Variants in UNC93B1 observed in about 807,000 individuals in gnomAD.
The protein encoded by UNC93B1 is protein unc-93 homolog B1.
In UNC93B1, 33 loss-of-function variants were observed where a neutral mutation model predicts 56.8. The ratio of observed to expected loss-of-function variants is 0.58; its 90% CI spans 0.44 to 0.78. The LOEUF (loss-of-function observed/expected upper bound fraction) is 0.78. UNC93B1 is among the 30% of genes least tolerant of loss of function. The pLI, the probability that UNC93B1 is intolerant of heterozygous loss-of-function variation, is 0.00. For synonymous variants in UNC93B1, 334 were observed against 358.6 expected, an observed-to-expected ratio of 0.93 and a Z score of 0.77; for missense variants, 673 against 819.5, an observed-to-expected ratio of 0.82 and a Z score of 2.18.
At chr11:67,994,603 A>G (rs1214706499) in intron 9 of UNC93B1, among the ~76,000 whole-genome samples, 1 of 152,146 alleles carries the variant, frequency 6.6e-6, no homozygotes, top group Admixed American at 6.5e-5. Context: ...AGCTGGGCAG[A>G]GGGGATGCCA....
At position 67,995,746 on chromosome 11, in the gene UNC93B1, C is replaced by T. The variant is rs1163474179; in HGVS notation, c.1228G>A (p.Gly410Arg). 6.5e-7 allele frequency: 1 copy of T among 1,548,544 alleles called. No homozygotes were observed. Among genetic ancestry groups the T allele is most frequent in the Non-Finnish European group, 8.7e-7 (1 of 1,146,906 alleles). The change falls in exon 9 of 11, where the codon GGG (glycine) becomes AGG (arginine). Residue 410 changes from glycine (G) to arginine (R), a missense_variant. By Grantham distance (125) the Gly-to-Arg change is moderately radical. Around this residue, in one of 3 missense-constraint regions of UNC93B1, gnomAD observed 155 missense variants for 268.3 expected, o/e 0.58. Coordinates refer to ENST00000227471, the MANE Select transcript of UNC93B1 (RefSeq NM_030930.4). ...ATGAAGGTGAGCAGCAGGTGCACCC[C>T]TGCTCCGGCCACCAGGGGCACCGGG... Reference protein sequence around the residue: ...PRPVPLVAGAGVHLLLTFILF... With the variant: ...PRPVPLVAGARVHLLLTFILF...
At chr11:67,995,001 T>G (rs940933749) in intron 9 of UNC93B1, among the ~76,000 whole-genome samples, 3 of 152,200 alleles carry the variant, frequency 2.0e-5, no homozygotes, top group Non-Finnish European at 2.9e-5. Flanking sequence ...AGCCCAGACC[T>G]GGGGCCTGGA....
At chr11:67,999,019 A>G (rs1207721961) in intron 5 of UNC93B1, among the ~76,000 whole-genome samples, 154 bp downstream of exon 5, 2 of 152,226 alleles carry the variant, frequency 1.3e-5, no homozygotes, top group Non-Finnish European at 2.9e-5. Context: ...GGAGCCCAGG[A>G]GTTCAAAGCC....
At chr11:68,002,921 C>A in intron 3 of UNC93B1, 101 bp downstream of exon 3, 1 of 1,433,284 alleles carries the variant, frequency 7.0e-7, no homozygotes, top group African/African-American at 1.5e-5. Flanking sequence ...GTTCCCTCGC[C>A]CCACAAACAC....
intron 8 of UNC93B1, 151 bp from the exon 9 acceptor site, chr11:67,996,035 TG>T (rs1234825829): frequency 1.6e-5 from 8 of 503,062 alleles, no homozygotes; most frequent in African/African-American, 6.4e-5. Flanking sequence ...CCCCGCATCG[TG>T]GGGGGTGCCT....
intron 10 of UNC93B1, among the ~76,000 whole-genome samples, chr11:67,992,652 CT>C (rs551140497): frequency 7.1e-4 from 96 of 134,364 alleles, no homozygotes; most frequent in Admixed American, 5.3e-4. Flanking sequence ...CACTGCTTTT[CT>C]TTTTTTTTTT....
intron 9 of UNC93B1, 118 bp from the exon 10 acceptor site, chr11:67,993,912 A>C (rs1295004940): frequency 1.3e-6 from 1 of 766,098 alleles, no homozygotes; most frequent in Admixed American, 2.0e-5. Context: ...CGGACCAGAG[A>C]GCGCCTAGAA....
rs559198068 is a variant in UNC93B1 at position 67,994,052 on chromosome 11, T to C, written c.1364-258A>G. 5.9e-5 allele frequency among the ~76,000 whole-genome samples: 9 copies of C among 152,234 alleles called. 1 individual carries two copies. The South Asian group carries it at 1.9e-3, about 32-fold the overall frequency. On this transcript the variant is annotated intron_variant, in intron 9 of 10. Coordinates refer to ENST00000227471, the MANE Select transcript of UNC93B1 (RefSeq NM_030930.4). ...GCAGGTGTTCCCGCTCCGCACCACA[T>C]GCGTGGCCTCAAAAGAAGAAAGCTC... is the stretch of plus-strand genomic sequence containing the variant.
chr11:68,001,176 T>C (rs772277521), intron 3 of UNC93B1, among the ~76,000 whole-genome samples: 7 of 151,814 alleles, frequency 4.6e-5, no homozygotes, highest in Admixed American at 2.6e-4. Context: ...AGCCTGGTGA[T>C]AGAGTGAGAC....
Position 67,995,857 on chromosome 11 carries a change from C to G in UNC93B1, c.1117G>C (p.Glu373Gln). 2 of 1,534,562 alleles carry G rather than the reference C, an allele frequency of 1.3e-6. No homozygotes were observed. Among genetic ancestry groups the G allele is most frequent in the Non-Finnish European group, 1.8e-6 (2 of 1,142,566 alleles). Residue 373 changes from glutamate to glutamine, a missense_variant, in exon 9 of 11, where the codon GAG (glutamate) becomes CAG (glutamine). Glu to Gln is a conservative substitution (Grantham distance 29). Around this residue, in one of 3 missense-constraint regions of UNC93B1, gnomAD observed 155 missense variants for 268.3 expected, o/e 0.58. Coordinates refer to ENST00000227471, the MANE Select transcript of UNC93B1 (RefSeq NM_030930.4). ...GCCACGAGGAGGTAAGCCAGCCGCT[C>G]CAGCCCCACCGAGCACACGCCATAG... ...LGYGVCSVGL[E>Q]RLAYLLVAYS...
At chr11:67,995,490 C>T in intron 9 of UNC93B1, 121 bp downstream of exon 9, 1 of 862,682 alleles carries the variant, frequency 1.2e-6, no homozygotes, top group Non-Finnish European at 1.7e-6. Flanking sequence ...CCACAGGACC[C>T]TATGTGACCA....
chr11:67,994,211 A>G (rs1284734336), intron 9 of UNC93B1, among the ~76,000 whole-genome samples: 3 of 152,174 alleles, frequency 2.0e-5, no homozygotes, highest in African/African-American at 4.8e-5. Flanking sequence ...ACCTGAAGCT[A>G]AGCATGGAGA....
chr11:67,997,577 C>T, intron 7 of UNC93B1, 98 bp downstream of exon 7: 3 of 1,568,282 alleles, frequency 1.9e-6, no homozygotes, highest in East Asian at 4.5e-5. Flanking sequence ...ACAACCCGAC[C>T]CAGGCCATGC....
rs1191715858 is a variant in UNC93B1, at chr11:67,991,203, G to A, written c.*343C>T. 10 of 258,276 alleles carry A rather than the reference G, an allele frequency of 3.9e-5. No individual in the cohort carries two copies. The highest frequency in any genetic ancestry group is 6.7e-5 in the African/African-American group (3 of 45,000). 16.0% of individuals were successfully genotyped at this position (258,276 alleles called of 1,614,324 possible). A position where few individuals can be genotyped will look rare whatever the true frequency, so the allele number is the denominator to read the frequency against. ...TGCAAAGTGCGCTCACACGCGGCCC[G>A]GGTCCGCGGCCGAGAGCTGTGGGGA... On this transcript the variant is annotated 3_prime_UTR_variant, in exon 11 of 11. Transcript: ENST00000227471.
chr11:67,997,963 G>A (rs564046143), intron 6 of UNC93B1, among the ~76,000 whole-genome samples, 164 bp from the exon 7 acceptor site: 2 of 152,320 alleles, frequency 1.3e-5, no homozygotes, highest in East Asian at 3.9e-4. Context: ...TTGGACCACT[G>A]GGGCTGGGTT....
In UNC93B1 at chr11:67,996,789, G is replaced by A. The variant is rs144979304; in HGVS notation, c.907-5C>T. ...GGCTCCGCACAAACCCAGCACCTGC[G>A]AACCCATTACTTGAAGGGGCGGCCA... On this transcript the variant is annotated splice_polypyrimidine_tract_variant and splice_region_variant and intron_variant, in intron 7 of 10. Coordinates refer to ENST00000227471, the MANE Select transcript of UNC93B1 (RefSeq NM_030930.4). 5,882 of 1,539,932 alleles carry A rather than the reference G, an allele frequency of 3.8e-3. 23 individuals are homozygous for A. The highest frequency in any genetic ancestry group is 4.0e-3 in the Non-Finnish European group (4,520 of 1,137,730).
chr11:67,999,267 T>C lies in UNC93B1; in HGVS notation c.593A>G (p.Glu198Gly), dbSNP rs1345160959. 6 of 1,613,924 alleles carry C rather than the reference T, an allele frequency of 3.7e-6. No homozygotes were observed. Among genetic ancestry groups the C allele is most frequent in the Non-Finnish European group, 4.2e-6 (5 of 1,179,878 alleles). ...CTGCTTCATCCCCTGCCCATCCTGCTCCTTGTAGTGGGAGTACTCATGGTA... is the reference window on the plus strand; with the variant it reads ...CTGCTTCATCCCCTGCCCATCCTGCCCCTTGTAGTGGGAGTACTCATGGTA... ...QKYHEYSHYKEQDGQGMKQRP... is the reference protein window; with the variant it reads ...QKYHEYSHYKGQDGQGMKQRP... Residue 198 changes from glutamate (E) to glycine (G), a missense_variant, in exon 5 of 11, where the codon GAG becomes GGG. Glu to Gly is a moderately conservative substitution (Grantham distance 98). Around this residue, in one of 3 missense-constraint regions of UNC93B1, gnomAD observed 438 missense variants for 465.9 expected, o/e 0.94. Transcript: ENST00000227471.
intron 5 of UNC93B1, among the ~76,000 whole-genome samples, chr11:67,998,900 C>T (rs903356380): frequency 1.6e-4 from 25 of 151,776 alleles, no homozygotes; most frequent in African/African-American, 5.6e-4. Context: ...CTGCCCCCAA[C>T]CCCCACCAAA....
Position 68,003,489 on chromosome 11 carries a change from C to T in UNC93B1, c.238+168G>A. ...CTCTGGCTGGGACCCGGGGACGCTG[C>T]GCTACTTGACCCCCCAACCCCACCC... On this transcript the variant is annotated intron_variant, in intron 2 of 10. Transcript: ENST00000227471. The surrounding 1 kb of genome is among the most constrained non-coding windows in gnomAD (Gnocchi z 4.4). The T allele has an allele frequency of 1.9e-6, 2 of 1,078,756 alleles. No homozygotes were observed. The highest frequency in any genetic ancestry group is 2.5e-6 in the Non-Finnish European group (2 of 797,738). The allele number at this position is 1,078,756 out of a possible 1,614,324, so 66.8% of individuals were successfully genotyped here.
Sources: allele counts gnomAD v4.1 joint callset (sites outside exome capture counted in the v4.1 genomes callset), GRCh38; gene constraint gnomAD v4.1.1; regional missense constraint gnomAD v4.1.1; non-coding constraint Gnocchi (gnomAD v3.1); transcripts MANE v1.5; gene names NCBI Gene and HGNC (gene_info 2026-07-23, HGNC 2026-07-21).